The following PKHD1 variants were observed in gnomAD, a reference collection of about 807,000 sequenced individuals.
PKHD1 encodes fibrocystin.
PKHD1 carries 291 observed loss-of-function variants against 412.0 expected under a neutral mutation model. That is an observed-to-expected ratio of 0.71 (90% confidence interval 0.64 to 0.78). The LOEUF (loss-of-function observed/expected upper bound fraction) is 0.78, where lower values mean the gene tolerates loss of function less well. Ranked by LOEUF, PKHD1 falls within the 30% of genes least tolerant of loss-of-function variation. The probability of loss-of-function intolerance (pLI) is 0.00; values close to 1 mark genes in which losing one functional copy is unlikely to be tolerated. For missense variants in PKHD1, 4,825 were observed against 4,950.7 expected, an observed-to-expected ratio of 0.97 and a Z score of 0.76; for synonymous variants, 1,777 against 1,821.5, an observed-to-expected ratio of 0.98 and a Z score of 0.62.
chr6:51,833,199 G>A (rs1169712723), intron 51 of PKHD1, among the ~76,000 whole-genome samples: 3 of 152,052 alleles, frequency 2.0e-5, no homozygotes, highest in Non-Finnish European at 4.4e-5. Context: ...CAAGCTTCAG[G>A]AATCTTTAGT....
At chr6:51,969,067 T>G (rs1305214753) in intron 35 of PKHD1, among the ~76,000 whole-genome samples, 1 of 152,206 alleles carries the variant, frequency 6.6e-6, no homozygotes, top group East Asian at 1.9e-4. Context: ...CTTTGAGTTA[T>G]TCAAAAGGGA....
At chr6:51,737,729 T>G (rs201358248) in intron 60 of PKHD1, among the ~76,000 whole-genome samples, 1 of 68,436 alleles carries the variant, frequency 1.5e-5, no homozygotes, top group East Asian at 5.6e-4. Flanking sequence ...TGTGTGTGAG[T>G]GTGTGTGTGT....
intron 37 of PKHD1, among the ~76,000 whole-genome samples, chr6:51,932,592 A>T (rs1317777956): frequency 6.6e-6 from 1 of 152,222 alleles, no homozygotes; most frequent in Non-Finnish European, 1.5e-5. Context: ...CAAACATTTG[A>T]AAACCATGGC....
intron 60 of PKHD1, among the ~76,000 whole-genome samples, chr6:51,684,295 A>G (rs1479619819): frequency 6.6e-6 from 1 of 152,154 alleles, no homozygotes; most frequent in Non-Finnish European, 1.5e-5. Flanking sequence ...AACCTTCTTC[A>G]GGCTGAGATG....
chr6:51,845,647 T>C (rs547634520), intron 50 of PKHD1, among the ~76,000 whole-genome samples: 3 of 152,346 alleles, frequency 2.0e-5, no homozygotes, highest in Non-Finnish European at 4.4e-5. Context: ...ATATCATACA[T>C]ATGCACAGAT....
intron 49 of PKHD1, among the ~76,000 whole-genome samples, chr6:51,851,379 C>T (rs1054357969): frequency 6.6e-6 from 1 of 152,062 alleles, no homozygotes; most frequent in Non-Finnish European, 1.5e-5. Context: ...GTGTCTCTTC[C>T]CAGTTTTGGT....
chr6:52,013,266 T>A lies in PKHD1; in HGVS notation c.5601-2807A>T, dbSNP rs541957701. Among the ~76,000 whole-genome samples, 137 of 152,332 alleles carry A rather than the reference T, an allele frequency of 9.0e-4. 1 individual carries two copies. The Middle Eastern group carries it at 0.014, about 15-fold the overall frequency. On this transcript the variant is annotated intron_variant, in intron 34 of 66. Coordinates refer to ENST00000371117, the MANE Select transcript of PKHD1 (RefSeq NM_138694.4). ...GGGCTGAGTCACTCTACCCTCTGTT[T>A]GCCTGTTAGGAACACACTGTTTTCA... is the stretch of plus-strand genomic sequence containing the variant.
chr6:51,883,257 T>C (rs1289626417), intron 45 of PKHD1, 30 bp from the exon 46 acceptor site: 1 of 1,609,460 alleles, frequency 6.2e-7, no homozygotes, highest in South Asian at 1.1e-5. Flanking sequence ...ACAGCAAAGG[T>C]CTGAGGCTTG....
At position 52,046,168 on chromosome 6, in the gene PKHD1, C is replaced by T; in HGVS notation, c.2428G>A (p.Ala810Thr). Reference protein sequence around the residue: ...VISDVPVQISAHHLHQLLQNN... With the variant: ...VISDVPVQISTHHLHQLLQNN... Reference sequence around the variant, plus strand: ...TGTAAGAGCTGGTGAAGGTGATGAGCAGAAATTTGTACAGGGACATCTGTG... The same window carrying T: ...TGTAAGAGCTGGTGAAGGTGATGAGTAGAAATTTGTACAGGGACATCTGTG... The change falls in exon 24 of 67, where the codon GCT becomes ACT. Residue 810 changes from alanine to threonine, a missense_variant. Ala to Thr is a moderately conservative substitution (Grantham distance 58). Transcript: ENST00000371117. The T allele has an allele frequency of 6.2e-7, 1 of 1,613,248 alleles. No homozygotes were observed. The highest frequency in any genetic ancestry group is 8.5e-7 in the Non-Finnish European group (1 of 1,179,250).
At chr6:51,681,737 G>A (rs938608650) in intron 60 of PKHD1, among the ~76,000 whole-genome samples, 1 of 151,958 alleles carries the variant, frequency 6.6e-6, no homozygotes, top group Non-Finnish European at 1.5e-5. Context: ...CAAGCCACAG[G>A]CCAAATCAGG....
chr6:51,625,164 T>C (rs1767079112), intron 66 of PKHD1, among the ~76,000 whole-genome samples: 1 of 152,184 alleles, frequency 6.6e-6, no homozygotes, highest in African/African-American at 2.4e-5. Context: ...TCATGCTCAG[T>C]TCCAACAGCT....
intron 46 of PKHD1, 24 bp downstream of exon 46, chr6:51,883,069 A>C: frequency 6.2e-7 from 1 of 1,606,450 alleles, no homozygotes; most frequent in Non-Finnish European, 8.5e-7. Flanking sequence ...TGACAGCCTA[A>C]AACAACCACA....
chr6:51,932,457 G>A (rs972837791), intron 37 of PKHD1, among the ~76,000 whole-genome samples: 4 of 152,158 alleles, frequency 2.6e-5, no homozygotes, highest in Non-Finnish European at 5.9e-5. Flanking sequence ...TAAGCCTGGG[G>A]TCCTCTGGAC....
chr6:52,001,364 T>C (rs1482128248), intron 35 of PKHD1, among the ~76,000 whole-genome samples: 1 of 151,940 alleles, frequency 6.6e-6, no homozygotes, highest in Admixed American at 6.6e-5. Context: ...ACCTAAGAAC[T>C]AGATTTTCTT....
intron 50 of PKHD1, among the ~76,000 whole-genome samples, chr6:51,839,959 G>T (rs755279872): frequency 1.3e-5 from 2 of 151,818 alleles, no homozygotes; most frequent in Non-Finnish European, 2.9e-5. Context: ...TTCCGTCTCT[G>T]CCTGCCCTGG....
chr6:51,783,399 T>TTTTATATTATTTAAATAATAC (rs1562301108), intron 53 of PKHD1, among the ~76,000 whole-genome samples: 1 of 146,350 alleles, frequency 6.8e-6, no homozygotes, highest in African/African-American at 2.5e-5. Flanking sequence ...TTAAATACTA[T>TTTTATATTATTTAAATAATAC]ATTTATTTTA....
intron 16 of PKHD1, among the ~76,000 whole-genome samples, chr6:52,057,694 C>A (rs1475274595): frequency 6.6e-6 from 1 of 152,146 alleles, no homozygotes; most frequent in Non-Finnish European, 1.5e-5. Context: ...GGATTACATG[C>A]GTGAGCCACC....
intron 52 of PKHD1, among the ~76,000 whole-genome samples, chr6:51,818,207 G>A (rs991704177): frequency 1.3e-5 from 2 of 152,132 alleles, no homozygotes; most frequent in Non-Finnish European, 2.9e-5. Context: ...TCCTGGCCTG[G>A]ATAATGCAGC....
intron 50 of PKHD1, among the ~76,000 whole-genome samples, chr6:51,843,248 T>C (rs1369327737): frequency 6.6e-6 from 1 of 152,114 alleles, no homozygotes; most frequent in Non-Finnish European, 1.5e-5. Context: ...GAGCGTGAAA[T>C]TCTTAATTAA....
Sources: allele counts gnomAD v4.1 joint callset (sites outside exome capture counted in the v4.1 genomes callset), GRCh38; gene constraint gnomAD v4.1.1; transcripts MANE v1.5; gene names NCBI Gene and HGNC (gene_info 2026-07-23, HGNC 2026-07-21).